Variants in LRIG1 observed in about 807,000 individuals in gnomAD.
The protein encoded by LRIG1 is leucine-rich repeats and immunoglobulin-like domains protein 1.
Under a neutral mutation model 99.2 loss-of-function variants are expected in LRIG1, and 48 were observed. The observed-to-expected ratio is 0.48, with a 90% confidence interval of 0.38 to 0.62. The LOEUF (loss-of-function observed/expected upper bound fraction) is 0.62. Among genes scored for constraint, LRIG1 ranks in the 20% least tolerant of loss-of-function variants. The pLI, the probability that LRIG1 is intolerant of heterozygous loss-of-function variation, is 0.00. For missense variants in LRIG1, 1,646 were observed against 1,434.4 expected (o/e 1.15, Z -2.38); for synonymous variants, 772 against 596.1 (o/e 1.29, Z -4.30).
At chr3:66,393,995 C>A (rs1465661134) in intron 12 of LRIG1, 45 bp downstream of exon 12, 1 of 1,602,550 alleles carries the variant, frequency 6.2e-7, no homozygotes, top group Non-Finnish European at 8.5e-7. Context: ...TCCTGGCTTC[C>A]TTGTCCTTCA....
chr3:66,423,256 T>C (rs1702875971), intron 3 of LRIG1, among the ~76,000 whole-genome samples: 1 of 152,228 alleles, frequency 6.6e-6, no homozygotes, highest in Admixed American at 6.5e-5. Context: ...TTTTATGTTA[T>C]GTGTACTTTA....
intron 4 of LRIG1, among the ~76,000 whole-genome samples, chr3:66,416,478 T>G (rs958795426): frequency 1.3e-5 from 2 of 152,220 alleles, no homozygotes; most frequent in African/African-American, 4.8e-5. Context: ...GGGTTGCAGT[T>G]TCTTTCCCAG....
intron 3 of LRIG1, among the ~76,000 whole-genome samples, chr3:66,446,471 T>C (rs1703730414): frequency 6.7e-6 from 1 of 149,726 alleles, no homozygotes; most frequent in African/African-American, 2.5e-5. Context: ...AATGGTGCGA[T>C]CTTAGCTCAC....
At position 66,383,017 on chromosome 3, in the gene LRIG1, C is replaced by G. The variant is rs1268293966; in HGVS notation, c.2456G>C (p.Arg819Thr). The change falls in exon 15 of 19, where the codon AGG (arginine) becomes ACG (threonine). Residue 819 changes from arginine to threonine, a missense_variant. By Grantham distance (71) the Arg-to-Thr change is moderately conservative. Transcript: ENST00000273261. ...GACACTGTACTCTTCACTCTTCTTC[C>G]TGGTCTGGTAGATGATGCACACCCA... is the stretch of plus-strand genomic sequence containing the variant. ...LVWVCIIYQT[R>T]KKSEEYSVTN... 29 of 1,613,984 alleles carry G rather than the reference C, an allele frequency of 1.8e-5. No homozygotes were observed. The highest frequency in any genetic ancestry group is 2.5e-5 in the Non-Finnish European group (29 of 1,179,908).
Position 66,500,583 on chromosome 3 carries a change from C to G in LRIG1, c.-176G>C, listed in dbSNP as rs1174115335. The G allele has an allele frequency of 2.7e-6, 1 of 371,572 alleles. No individual in the cohort carries two copies. Among genetic ancestry groups the G allele is most frequent in the Non-Finnish European group, 4.7e-6 (1 of 211,922 alleles). The allele number at this position is 371,572 out of a possible 1,614,324, so 23.0% of individuals were successfully genotyped here. A position where few individuals can be genotyped will look rare whatever the true frequency, so the allele number is the denominator to read the frequency against. On this transcript the variant is annotated 5_prime_UTR_variant, in exon 1 of 19. Transcript: ENST00000273261. Reference sequence around the variant, plus strand: ...TCCGGCACTCAGCGTGCCCCCGGTGCCCGGGCCGCTCCGGAGCACCCGGCG... The same window carrying G: ...TCCGGCACTCAGCGTGCCCCCGGTGGCCGGGCCGCTCCGGAGCACCCGGCG...
rs77570322 is a variant in LRIG1, at chr3:66,379,586, G to C, written c.*677C>G. The C allele has an allele frequency of 6.6e-6, 1 of 151,324 alleles. No homozygotes were observed. The highest frequency in any genetic ancestry group is 1.5e-5 in the Non-Finnish European group (1 of 67,556). The allele number at this position is 151,324 out of a possible 1,614,324, so 9.4% of individuals were successfully genotyped here. On this transcript the variant is annotated 3_prime_UTR_variant, in exon 19 of 19. Coordinates refer to ENST00000273261, the MANE Select transcript of LRIG1 (RefSeq NM_015541.3). ...AACCCTCATTCTACGCCTTACAGACGGACAGATTCTACGCCTTACAGACAG... is the reference window on the plus strand; with the variant it reads ...AACCCTCATTCTACGCCTTACAGACCGACAGATTCTACGCCTTACAGACAG...
At chr3:66,395,758 GC>G (rs1701824537) in intron 11 of LRIG1, among the ~76,000 whole-genome samples, 1 of 152,196 alleles carries the variant, frequency 6.6e-6, no homozygotes, top group Non-Finnish European at 1.5e-5. Context: ...GGGGAGGGCA[GC>G]TCCCAGGAGT....
At chr3:66,487,930 T>TC (rs1269553294) in intron 1 of LRIG1, among the ~76,000 whole-genome samples, 4 of 152,130 alleles carry the variant, frequency 2.6e-5, no homozygotes, top group African/African-American at 9.7e-5. Context: ...CACTAACTGT[T>TC]CCTCCAACTT....
chr3:66,482,032 C>A (rs1028709351), intron 1 of LRIG1, among the ~76,000 whole-genome samples: 4 of 152,246 alleles, frequency 2.6e-5, no homozygotes. Context: ...CTCAGCCACG[C>A]TAATCTGCGC....
chr3:66,461,331 C>A (rs1299964995), intron 2 of LRIG1, among the ~76,000 whole-genome samples: 4 of 152,004 alleles, frequency 2.6e-5, no homozygotes, highest in Non-Finnish European at 5.9e-5. Context: ...AAACAAAAAA[C>A]AACAAATAAG....
intron 4 of LRIG1, among the ~76,000 whole-genome samples, chr3:66,415,941 G>A (rs1300514825): frequency 6.6e-6 from 1 of 152,202 alleles, no homozygotes; most frequent in Non-Finnish European, 1.5e-5. Context: ...GCCACAGAGG[G>A]TGGAAGGGAG....
At chr3:66,390,482 G>A (rs1028612042) in intron 12 of LRIG1, among the ~76,000 whole-genome samples, 1 of 152,170 alleles carries the variant, frequency 6.6e-6, no homozygotes, top group Non-Finnish European at 1.5e-5. Context: ...AGAAAAAAGG[G>A]TGGACAGCCC....
At chr3:66,413,731 C>A (rs1702539245) in intron 5 of LRIG1, among the ~76,000 whole-genome samples, 1 of 152,130 alleles carries the variant, frequency 6.6e-6, no homozygotes, top group Non-Finnish European at 1.5e-5. Context: ...TGCAGTGTCT[C>A]ATGATGCTGC....
rs573866978 is a variant in LRIG1, at chr3:66,465,387, C to T, written c.219-2878G>A. On this transcript the variant is annotated intron_variant, in intron 1 of 18. Coordinates refer to ENST00000273261, the MANE Select transcript of LRIG1 (RefSeq NM_015541.3). ...TTTTTTTTTTTTTTTTTTTTTGAGA[C>T]GAGTCTTGCTCTGTCGCCCAGGCTG... 8.5e-5 allele frequency among the ~76,000 whole-genome samples: 9 copies of T among 105,498 alleles called. No homozygotes were observed. In the South Asian group the frequency reaches 9.0e-4, roughly 11 times the overall value. 69.2% of individuals were successfully genotyped at this position (105,498 alleles called of 152,430 possible).
chr3:66,384,656 G>C lies in LRIG1; in HGVS notation c.1790-384C>G, dbSNP rs567810584. 2.0e-3 allele frequency among the ~76,000 whole-genome samples: 301 copies of C among 152,082 alleles called. 2 individuals are homozygous for C. Among genetic ancestry groups the C allele is most frequent in the African/African-American group, 6.9e-3 (285 of 41,414 alleles). On this transcript the variant is annotated intron_variant, in intron 13 of 18. Transcript: ENST00000273261. The stretch of plus-strand genomic sequence containing the variant: ...AGATGGAATTACAGAGGGAAGGTGG[G>C]CATGCCTCCACCTTGGGAGAGCAAT...
intron 1 of LRIG1, among the ~76,000 whole-genome samples, chr3:66,489,456 C>T (rs778767898): frequency 6.6e-6 from 1 of 152,022 alleles, no homozygotes; most frequent in Non-Finnish European, 1.5e-5. Flanking sequence ...TGGGAGGTCA[C>T]GGCTATAGTG....
At position 66,441,389 on chromosome 3, in the gene LRIG1, G is replaced by A. The variant is rs149260953; in HGVS notation, c.365+10170C>T. ...CAATCGAACACGTTTGGGCTCTGCC[G>A]AGACCTGACGACAAGAGTGTTTTTC... On this transcript the variant is annotated intron_variant, in intron 3 of 18. Transcript: ENST00000273261. 4.2e-3 allele frequency among the ~76,000 whole-genome samples: 644 copies of A among 152,274 alleles called. 3 individuals are homozygous for A. The highest frequency in any genetic ancestry group is 6.7e-3 in the Non-Finnish European group (454 of 68,020).
At chr3:66,388,581 A>C (rs1182697527) in intron 12 of LRIG1, among the ~76,000 whole-genome samples, 1 of 152,232 alleles carries the variant, frequency 6.6e-6, no homozygotes, top group Admixed American at 6.5e-5. Flanking sequence ...CAGGTGCCAA[A>C]GACAAAGAAT....
chr3:66,398,064 G>GA (rs1298189617), intron 11 of LRIG1, 48 bp downstream of exon 11: 1 of 1,431,988 alleles, frequency 7.0e-7, no homozygotes, highest in South Asian at 1.2e-5. Context: ...TTCTTACTCT[G>GA]AAAGTCTCCA....
Sources: allele counts gnomAD v4.1 joint callset (sites outside exome capture counted in the v4.1 genomes callset), GRCh38; gene constraint gnomAD v4.1.1; transcripts MANE v1.5; gene names NCBI Gene and HGNC (gene_info 2026-07-23, HGNC 2026-07-21).